The following PPT1 variants were observed in gnomAD, a reference collection of about 807,000 sequenced individuals.
PPT1 encodes ceroid-palmitoyl-palmitoyl-protein thioesterase 1.
Under a neutral mutation model 44.0 loss-of-function variants are expected in PPT1, and 24 were observed. The observed-to-expected ratio is 0.54, with a 90% CI of 0.39 to 0.77. PPT1 has a LOEUF of 0.77. PPT1 is among the 30% of genes least tolerant of loss of function. The pLI is 0.00. For missense variants in PPT1, 341 were observed against 378.8 expected (o/e 0.90, Z 0.83); for synonymous variants, 148 against 140.2 (o/e 1.06, Z -0.39).
intron 5 of PPT1, among the ~76,000 whole-genome samples, chr1:40,081,551 T>C (rs1287576611): frequency 1.8e-5 from 1 of 56,718 alleles, no homozygotes; most frequent in Non-Finnish European, 3.9e-5. Flanking sequence ...AATAAATAAA[T>C]AAATAAATAA....
At chr1:40,072,084 C>G (rs1648147698), downstream of PPT1, 1 of 401,920 alleles carries the variant, frequency 2.5e-6, no homozygotes, top group Non-Finnish European at 4.4e-6. Context: ...ATAAGCATTC[C>G]TTTTATTCTC....
Position 40,080,394 on chromosome 1 carries a change from T to A in PPT1, c.627+3A>T, listed in dbSNP as rs765693102. On this transcript the variant is annotated splice_donor_region_variant and intron_variant, in intron 6 of 8. Coordinates refer to ENST00000642050, the MANE Select transcript of PPT1 (RefSeq NM_000310.4). ...TCTATGGGAGCCCGGTTTGGGTGCTTACCCGCTCCTGATTTATATCTGCCA... is the reference window on the plus strand; with the variant it reads ...TCTATGGGAGCCCGGTTTGGGTGCTAACCCGCTCCTGATTTATATCTGCCA... The A allele has an allele frequency of 6.2e-7, 1 of 1,613,670 alleles. No individual in the cohort carries two copies. Among genetic ancestry groups the A allele is most frequent in the South Asian group, 1.1e-5 (1 of 91,076 alleles).
chr1:40,071,941 A>G, downstream of PPT1: 1 of 409,652 alleles, frequency 2.4e-6, no homozygotes, highest in African/African-American at 2.0e-5. Context: ...GCATGAAGGT[A>G]GCAGAAGCTG....
In PPT1 at chr1:40,089,487, T is replaced by C. The variant is rs925670645; in HGVS notation, c.459A>G (p.Pro153=). Residue 153 remains proline, a synonymous_variant, in exon 5 of 9, where the codon CCA becomes CCG. Coordinates refer to ENST00000642050, the MANE Select transcript of PPT1 (RefSeq NM_000310.4). ...HQGVFGLPRC[P]GESSHICDFI... ...AGTCACAGATGTGAGAGCTCTCTCC[T>C]GGGCATCGAGGGAGTCCAAAAACAC... 1.2e-6 allele frequency: 2 copies of C among 1,613,992 alleles called. No homozygotes were observed. The highest frequency in any genetic ancestry group is 1.3e-5 in the African/African-American group (1 of 74,894).
rs1307834635 is a variant in PPT1 at position 40,082,369 on chromosome 1, T to C, written c.537-1882A>G. The C allele has an allele frequency of 3.9e-5, 6 of 151,914 alleles. No homozygotes were observed. In the South Asian group the frequency reaches 1.2e-3, roughly 32 times the overall value. The allele number at this position is 151,914 out of a possible 1,614,324, so 9.4% of individuals were successfully genotyped here. A position where few individuals can be genotyped will look rare whatever the true frequency, so the allele number is the denominator to read the frequency against. ...AGAGTGACATTCTAGAATGTGTTTA[T>C]ACATGTATTTGAAACCTTTTAAAGG... On this transcript the variant is annotated intron_variant, in intron 5 of 8. Transcript: ENST00000642050.
chr1:40,089,076 C>T (rs1014997274), intron 5 of PPT1, among the ~76,000 whole-genome samples: 5 of 151,846 alleles, frequency 3.3e-5, no homozygotes, highest in African/African-American at 7.3e-5. Flanking sequence ...CACCTGAGCT[C>T]GGGAAGTTGG....
rs370637933 is a variant in PPT1 at position 40,072,934 on chromosome 1, G to A, written c.*1127C>T. ...GCTACAGAAATGTCTTCCAAAAAGC[G>A]TTAAGTTTTCACAGAGTGGGGACTA... On this transcript the variant is annotated 3_prime_UTR_variant, in exon 9 of 9. Transcript: ENST00000642050. 21 of 152,286 alleles carry A rather than the reference G, an allele frequency of 1.4e-4. 1 individual carries two copies. Among genetic ancestry groups the A allele is most frequent in the East Asian group, 3.9e-4 (2 of 5,184 alleles). 9.4% of individuals were successfully genotyped at this position (152,286 alleles called of 1,614,324 possible).
chr1:40,088,093 G>C (rs888282066), intron 5 of PPT1, among the ~76,000 whole-genome samples: 1 of 151,652 alleles, frequency 6.6e-6, no homozygotes, highest in Non-Finnish European at 1.5e-5. Context: ...GATATTAGTT[G>C]ATCCCAAACT....
chr1:40,096,941 A>G lies in PPT1; in HGVS notation c.124+174T>C. ...CCCTTCTCTCTTTCCAGTGAAGGGGACGGCTCCTTCCCCTTCTCTCTTTCC... is the reference window on the plus strand; with the variant it reads ...CCCTTCTCTCTTTCCAGTGAAGGGGGCGGCTCCTTCCCCTTCTCTCTTTCC... On this transcript the variant is annotated intron_variant, in intron 1 of 8. Transcript: ENST00000642050. 2.6e-6 allele frequency: 3 copies of G among 1,157,290 alleles called. No individual in the cohort carries two copies. The South Asian group carries it at 4.1e-5, about 16-fold the overall frequency. 71.7% of individuals were successfully genotyped at this position (1,157,290 alleles called of 1,614,324 possible). A position where few individuals can be genotyped will look rare whatever the true frequency, so the allele number is the denominator to read the frequency against.
intron 5 of PPT1, among the ~76,000 whole-genome samples, chr1:40,088,951 A>G (rs927045250): frequency 4.6e-5 from 7 of 152,068 alleles, no homozygotes; most frequent in Non-Finnish European, 1.0e-4. Context: ...TTTTTGGAGC[A>G]AGTTTAGGTT....
At chr1:40,075,771 C>T (rs1434620057) in intron 8 of PPT1, among the ~76,000 whole-genome samples, 1 of 151,436 alleles carries the variant, frequency 6.6e-6, no homozygotes, top group East Asian at 2.0e-4. Context: ...GAAGACCAGC[C>T]TGGCCAACAT....
At chr1:40,078,874 G>A in intron 6 of PPT1, 1 of 531,364 alleles carries the variant, frequency 1.9e-6, no homozygotes, top group African/African-American at 2.0e-5. Context: ...GATTCAGGGG[G>A]GTACATGTGT....
In PPT1 at chr1:40,092,399, T is replaced by C. The variant is rs769365325; in HGVS notation, c.233A>G (p.Glu78Gly). The C allele has an allele frequency of 6.2e-7, 1 of 1,603,164 alleles. No homozygotes were observed. Among genetic ancestry groups the C allele is most frequent in the Non-Finnish European group, 8.5e-7 (1 of 1,169,986 alleles). Residue 78 changes from glutamate to glycine, a missense_variant and splice_region_variant, in exon 2 of 9, where the codon GAG (glutamate) becomes GGG (glycine). Physicochemically the swap from Glu to Gly is moderately conservative, Grantham distance 98. Transcript: ENST00000642050. ...LSLEIGKTLM[E>G]DVENSFFLNV... ...AGGAACAGCTGTGAAGCGCCTTACC[T>C]CCATCAGGGTCTTCCCAATCTCTAA... is the stretch of plus-strand genomic sequence containing the variant.
chr1:40,072,640 C>T (rs1648278037), downstream of PPT1: 1 of 152,554 alleles, frequency 6.6e-6, no homozygotes, highest in Non-Finnish European at 1.5e-5. Flanking sequence ...AAAGTTAATA[C>T]CAAACTTGCT....
At position 40,092,130 on chromosome 1, in the gene PPT1, T is replaced by C; in HGVS notation, c.277A>G (p.Thr93Ala). ...SFFLNVNSQV[T>A]TVCQALAKDP... ...TTAGCAAGTGCCTGACACACTGTTG[T>C]TACTTGGGAATTGACATTCAAGAAG... Residue 93 changes from threonine (T) to alanine (A), a missense_variant, in exon 3 of 9, where the codon ACA becomes GCA. Transcript: ENST00000642050. 1.2e-6 allele frequency: 2 copies of C among 1,614,076 alleles called. No individual in the cohort carries two copies. Among genetic ancestry groups the C allele is most frequent in the Non-Finnish European group, 1.7e-6 (2 of 1,179,918 alleles).
chr1:40,083,107 A>G (rs1266063158), intron 5 of PPT1, among the ~76,000 whole-genome samples: 3 of 152,194 alleles, frequency 2.0e-5, no homozygotes, highest in Non-Finnish European at 4.4e-5. Context: ...GACTATTTTA[A>G]GCCCACTGTT....
At chr1:40,096,774 T>G in intron 1 of PPT1, 1 of 331,988 alleles carries the variant, frequency 3.0e-6, no homozygotes, top group Non-Finnish European at 5.7e-6. Context: ...AATAAAAGGG[T>G]AGATGCGCCA....
chr1:40,078,528 T>C, intron 7 of PPT1, 32 bp downstream of exon 7: 2 of 1,586,880 alleles, frequency 1.3e-6, no homozygotes, highest in Non-Finnish European at 8.7e-7. Flanking sequence ...TGCCATTTAC[T>C]CTCCTGGCAT....
At chr1:40,096,761 A>C in intron 1 of PPT1, 1 of 300,554 alleles carries the variant, frequency 3.3e-6, no homozygotes, top group Non-Finnish European at 6.4e-6. Context: ...GTGTGAAGGA[A>C]TAAATAAAAG....
Sources: allele counts gnomAD v4.1 joint callset (sites outside exome capture counted in the v4.1 genomes callset), GRCh38; gene constraint gnomAD v4.1.1; transcripts MANE v1.5; gene names NCBI Gene and HGNC (gene_info 2026-07-23, HGNC 2026-07-21).